DIAPH3: variants seen among roughly 807,000 people sequenced by gnomAD.
The protein encoded by DIAPH3 is diaphanous related formin 3.
Under a neutral mutation model 144.3 loss-of-function variants are expected in DIAPH3, and 117 were observed. That is an observed-to-expected ratio of 0.81 (90% CI 0.70 to 0.95). The LOEUF is 0.95. DIAPH3 is among the 40% of genes least tolerant of loss of function. The probability of loss-of-function intolerance (pLI) is 0.00; values close to 1 mark genes in which losing one functional copy is unlikely to be tolerated. For synonymous variants in DIAPH3, 519 were observed against 488.9 expected, an observed-to-expected ratio of 1.06 and a Z score of -0.81; for missense variants, 1,421 against 1,412.7, an observed-to-expected ratio of 1.01 and a Z score of -0.09.
chr13:59,756,927 A>T (rs1189725661), intron 27 of DIAPH3, among the ~76,000 whole-genome samples: 1 of 152,224 alleles, frequency 6.6e-6, no homozygotes, highest in Non-Finnish European at 1.5e-5. Context: ...AATAGAGAAA[A>T]AAGAAAGAGG....
intron 3 of DIAPH3, among the ~76,000 whole-genome samples, 171 bp from the exon 4 acceptor site, chr13:60,093,903 GA>G (rs1237605639): frequency 6.6e-6 from 1 of 152,184 alleles, no homozygotes; most frequent in East Asian, 1.9e-4. Flanking sequence ...GGTGGAGAGG[GA>G]GAGAAGAAAG....
In DIAPH3 at chr13:60,008,628, AGCTTCT is replaced by A; in HGVS notation, c.924_929del (p.Leu308_Ala310delinsPhe). The A allele has an allele frequency of 6.2e-7, 1 of 1,613,532 alleles. No homozygotes were observed. The highest frequency in any genetic ancestry group is 8.5e-7 in the Non-Finnish European group (1 of 1,179,690). On this transcript the variant is annotated inframe_deletion, in exon 9 of 28. Coordinates refer to ENST00000400324, the MANE Select transcript of DIAPH3 (RefSeq NM_001042517.2). ...TTTTTTCTTCACCAGCTGAAGTTAAAGCTTCTAAAACTTCTTCAAGGCTATTGGAAA... is the reference window on the plus strand; with the variant it reads ...TTTTTTCTTCACCAGCTGAAGTTAAAAAAACTTCTTCAAGGCTATTGGAAA...
intron 3 of DIAPH3, among the ~76,000 whole-genome samples, chr13:60,109,383 T>C (rs370106528): frequency 2.0e-4 from 30 of 152,202 alleles, no homozygotes; most frequent in African/African-American, 4.6e-4. Flanking sequence ...AGGAAACCAA[T>C]AGATACCTTA....
intron 5 of DIAPH3, among the ~76,000 whole-genome samples, chr13:60,021,990 T>C (rs2054057066): frequency 6.6e-6 from 1 of 152,222 alleles, no homozygotes; most frequent in East Asian, 1.9e-4. Flanking sequence ...GGGTAATTCA[T>C]TAGAATTACA....
chr13:59,707,059 C>T (rs1381455625), intron 27 of DIAPH3, among the ~76,000 whole-genome samples: 2 of 152,122 alleles, frequency 1.3e-5, no homozygotes, highest in Non-Finnish European at 2.9e-5. Flanking sequence ...ATGGTTATAT[C>T]CATCTGTCTG....
At chr13:60,142,411 T>C (rs950060297) in intron 1 of DIAPH3, among the ~76,000 whole-genome samples, 4 of 152,170 alleles carry the variant, frequency 2.6e-5, no homozygotes, top group African/African-American at 9.7e-5. Context: ...CTATCAATTA[T>C]TTTTTTAATA....
At chr13:60,156,936 TATA>T (rs1476014426) in intron 1 of DIAPH3, among the ~76,000 whole-genome samples, 2 of 54,774 alleles carry the variant, frequency 3.7e-5, no homozygotes, top group African/African-American at 1.6e-4. Flanking sequence ...TATATATATA[TATA>T]TTTTTTTTTT....
At chr13:60,138,549 G>A (rs1594761567) in intron 1 of DIAPH3, among the ~76,000 whole-genome samples, 1 of 152,288 alleles carries the variant, frequency 6.6e-6, no homozygotes, top group East Asian at 1.9e-4. Flanking sequence ...AATTAGCACT[G>A]TTTTAAGATA....
chr13:59,853,676 C>T (rs2043105027), intron 22 of DIAPH3, among the ~76,000 whole-genome samples: 1 of 152,100 alleles, frequency 6.6e-6, no homozygotes, highest in Non-Finnish European at 1.5e-5. Flanking sequence ...TCAGGTAGCT[C>T]TTTGTAACTA....
intron 27 of DIAPH3, among the ~76,000 whole-genome samples, chr13:59,744,359 T>C (rs980167065): frequency 2.0e-5 from 3 of 152,194 alleles, no homozygotes; most frequent in African/African-American, 7.2e-5. Flanking sequence ...GTGCTGGGTA[T>C]TCTGTTAGGC....
chr13:59,825,723 C>T (rs2041369366), intron 24 of DIAPH3, among the ~76,000 whole-genome samples: 1 of 152,132 alleles, frequency 6.6e-6, no homozygotes, highest in African/African-American at 2.4e-5. Context: ...TTAATAATTG[C>T]CATTCTAACT....
Position 59,942,789 on chromosome 13 carries a change from T to G in DIAPH3, c.2075-17919A>C, listed in dbSNP as rs116991536. Among the ~76,000 whole-genome samples the G allele has an allele frequency of 1.4e-3, 210 of 152,278 alleles. 1 individual carries two copies. The highest frequency in any genetic ancestry group is 2.5e-3 in the Non-Finnish European group (173 of 68,004). Reference sequence around the variant, plus strand: ...CTTAATTAAATGAGCTCATACCATATACATTATTTTGCATTTTACTTGTTT... The same window carrying G: ...CTTAATTAAATGAGCTCATACCATAGACATTATTTTGCATTTTACTTGTTT... On this transcript the variant is annotated intron_variant, in intron 17 of 27. Coordinates refer to ENST00000400324, the MANE Select transcript of DIAPH3 (RefSeq NM_001042517.2).
chr13:60,104,566 G>GCACACACACACACACA (rs10633554), intron 3 of DIAPH3, among the ~76,000 whole-genome samples: 33 of 147,124 alleles, frequency 2.2e-4, no homozygotes, highest in African/African-American at 7.3e-4. Context: ...CAGTATCAAG[G>GCACACACACACACACA]CACACACACA....
intron 5 of DIAPH3, among the ~76,000 whole-genome samples, chr13:60,040,226 C>CAATAAA (rs2055545975): frequency 2.9e-5 from 1 of 34,834 alleles, no homozygotes; most frequent in Non-Finnish European, 4.6e-5. Context: ...GACTCCATCT[C>CAATAAA]AAAAAAAAAA....
chr13:59,928,862 C>A (rs990262793), intron 17 of DIAPH3, among the ~76,000 whole-genome samples: 3 of 152,228 alleles, frequency 2.0e-5, no homozygotes, highest in South Asian at 4.1e-4. Flanking sequence ...AGTCCTTGGG[C>A]CCCTGGGGGT....
At chr13:59,765,375 T>C (rs1432781956) in intron 27 of DIAPH3, among the ~76,000 whole-genome samples, 1 of 152,208 alleles carries the variant, frequency 6.6e-6, no homozygotes, top group Admixed American at 6.5e-5. Context: ...TTGAATTTAT[T>C]GAGTAGCTAC....
chr13:59,763,075 C>CA (rs975376408), intron 27 of DIAPH3, among the ~76,000 whole-genome samples: 2 of 152,004 alleles, frequency 1.3e-5, no homozygotes, highest in Non-Finnish European at 2.9e-5. Context: ...GTTAAAACAG[C>CA]AAAAAATAGA....
chr13:60,052,162 A>G (rs909646453), intron 4 of DIAPH3, among the ~76,000 whole-genome samples: 2 of 152,052 alleles, frequency 1.3e-5, no homozygotes, highest in Non-Finnish European at 2.9e-5. Flanking sequence ...TTAAGTATAT[A>G]AGGAGAGAAG....
At chr13:60,083,538 G>C (rs888378220) in intron 4 of DIAPH3, among the ~76,000 whole-genome samples, 1 of 151,808 alleles carries the variant, frequency 6.6e-6, no homozygotes, top group African/African-American at 2.4e-5. Flanking sequence ...ACAGAGGATA[G>C]GAAAACACGT....
Sources: gnomAD v4.1 joint callset for allele counts (sites outside exome capture counted in the v4.1 genomes callset) on GRCh38, gnomAD v4.1.1 for gene constraint, MANE v1.5 for transcripts, NCBI Gene and HGNC (gene_info 2026-07-23, HGNC 2026-07-21) for gene names.